The following EYS variants were observed in gnomAD, a reference collection of about 807,000 sequenced individuals.
EYS encodes protein eyes shut homolog.
EYS carries 250 observed loss-of-function variants against 282.1 expected under a neutral mutation model. The observed-to-expected ratio is 0.89, with a 90% confidence interval of 0.80 to 0.98. EYS has a LOEUF of 0.98. Among genes scored for constraint, EYS ranks in the 50% least tolerant of loss-of-function variants. The pLI is 0.00. For synonymous variants in EYS, 1,355 were observed against 1,282.9 expected, an observed-to-expected ratio of 1.06 and a Z score of -1.20; for missense variants, 4,016 against 3,709.0, an observed-to-expected ratio of 1.08 and a Z score of -2.15.
At chr6:65,356,332 T>A (rs945696369) in intron 8 of EYS, among the ~76,000 whole-genome samples, 20 of 152,006 alleles carry the variant, frequency 1.3e-4, no homozygotes, top group African/African-American at 4.8e-4. Context: ...GGAAGTTGGA[T>A]CAAGGATACG....
chr6:64,550,910 T>G (rs1765054830), intron 26 of EYS, among the ~76,000 whole-genome samples: 2 of 152,180 alleles, frequency 1.3e-5, no homozygotes, highest in Admixed American at 1.3e-4. Flanking sequence ...ACAAGGGACG[T>G]GAAGGATCTC....
At chr6:65,085,786 T>C (rs1158538028) in intron 12 of EYS, among the ~76,000 whole-genome samples, 3 of 152,132 alleles carry the variant, frequency 2.0e-5, no homozygotes, top group Non-Finnish European at 1.5e-5. Context: ...TAGCTTTTTG[T>C]TTAGTCAAAT....
intron 12 of EYS, among the ~76,000 whole-genome samples, chr6:65,143,697 C>T (rs181123254): frequency 5.1e-4 from 78 of 152,162 alleles, no homozygotes; most frequent in Admixed American, 1.4e-3. Flanking sequence ...TTGTCATCTC[C>T]ATTAGATATA....
chr6:65,181,768 T>A (rs1416876878), intron 12 of EYS, among the ~76,000 whole-genome samples: 1 of 152,122 alleles, frequency 6.6e-6, no homozygotes, highest in Non-Finnish European at 1.5e-5. Flanking sequence ...CGTATGTTTA[T>A]TGCGGCACTA....
At chr6:65,629,788 T>C (rs1399384883) in intron 2 of EYS, among the ~76,000 whole-genome samples, 1 of 152,118 alleles carries the variant, frequency 6.6e-6, no homozygotes, top group Non-Finnish European at 1.5e-5. Context: ...GTCTTGTGCA[T>C]AGGGCAATGG....
rs534972180 is a variant in EYS, at chr6:64,824,914, T to C, written c.2993-2092A>G. On this transcript the variant is annotated intron_variant, in intron 19 of 42. Coordinates refer to ENST00000503581, the MANE Select transcript of EYS (RefSeq NM_001142800.2). The stretch of plus-strand genomic sequence containing the variant: ...CTTTCTAAGTAGCCTCCAAAGAGGA[T>C]AAGAATGGAATAACTAGCCAATGTG... Among the ~76,000 whole-genome samples the C allele has an allele frequency of 2.0e-5, 3 of 152,032 alleles. No homozygotes were observed. In the South Asian group the frequency reaches 6.2e-4, roughly 32 times the overall value.
Position 65,361,340 on chromosome 6 carries a change from G to A in EYS, c.1300-7723C>T, listed in dbSNP as rs1764697485. On this transcript the variant is annotated intron_variant, in intron 8 of 42. Coordinates refer to ENST00000503581, the MANE Select transcript of EYS (RefSeq NM_001142800.2). ...TAACTAACCTGCACGTTGTGAACAT[G>A]TACCCTAAAACTTAAAGTATAATAA... Among the ~76,000 whole-genome samples, 4 of 137,642 alleles carry A rather than the reference G, an allele frequency of 2.9e-5. No individual in the cohort carries two copies. In the South Asian group the frequency reaches 1.0e-3, roughly 34 times the overall value. 90.3% of individuals were successfully genotyped at this position (137,642 alleles called of 152,430 possible).
In EYS at chr6:64,323,158, TG is replaced by T. The variant is rs1483615336; in HGVS notation, c.6079-16077del. On this transcript the variant is annotated intron_variant, in intron 29 of 42. Coordinates refer to ENST00000503581, the MANE Select transcript of EYS (RefSeq NM_001142800.2). Reference sequence around the variant, plus strand: ...TACTACAATTAATTTTAGAATAATTTGTCACCCCAAAAAGAAACACCTTACC... The same window carrying T: ...TACTACAATTAATTTTAGAATAATTTTCACCCCAAAAAGAAACACCTTACC... 7.3e-5 allele frequency among the ~76,000 whole-genome samples: 11 copies of T among 150,504 alleles called. No individual in the cohort carries two copies. In the East Asian group the frequency reaches 2.0e-3, roughly 27 times the overall value.
intron 2 of EYS, among the ~76,000 whole-genome samples, chr6:65,527,552 A>C (rs1767614952): frequency 1.3e-5 from 2 of 152,206 alleles, no homozygotes; most frequent in South Asian, 4.1e-4. Context: ...TTAGCACAGA[A>C]AAGTCATAAA....
chr6:64,120,194 AAAT>A (rs569065364), intron 31 of EYS, among the ~76,000 whole-genome samples: 3,357 of 148,648 alleles, frequency 0.023, 101 homozygotes, highest in African/African-American at 0.08. Context: ...AAAAAAAAAA[AAAT>A]TACAAAAAAT....
chr6:64,739,875 T>C (rs955011407), intron 22 of EYS, among the ~76,000 whole-genome samples: 1 of 152,114 alleles, frequency 6.6e-6, no homozygotes, highest in Non-Finnish European at 1.5e-5. Context: ...ACAATACTAT[T>C]ATTAGGAAAA....
Position 64,076,037 on chromosome 6 carries a change from T to C in EYS, c.6571+5819A>G, listed in dbSNP as rs547814495. On this transcript the variant is annotated intron_variant, in intron 32 of 42. Transcript: ENST00000503581. ...TCAGGCTACTATGGCAGAGTTGAAC[T>C]TGTGCAGCTTGCAAACATATCTACT... Among the ~76,000 whole-genome samples the C allele has an allele frequency of 3.9e-5, 6 of 152,060 alleles. No individual in the cohort carries two copies. The East Asian group carries it at 1.2e-3, about 29-fold the overall frequency.
chr6:65,438,258 G>C (rs903145137), intron 5 of EYS, among the ~76,000 whole-genome samples: 6 of 151,926 alleles, frequency 3.9e-5, no homozygotes, highest in African/African-American at 9.7e-5. Context: ...GTCTATCATT[G>C]ATGGACATTT....
At chr6:65,177,770 A>G (rs991750783) in intron 12 of EYS, among the ~76,000 whole-genome samples, 12 of 151,776 alleles carry the variant, frequency 7.9e-5, no homozygotes, top group African/African-American at 2.7e-4. Context: ...TGTTAATGAT[A>G]TAATTATTTG....
intron 18 of EYS, among the ~76,000 whole-genome samples, chr6:64,888,572 T>C (rs537634286): frequency 6.6e-6 from 1 of 151,660 alleles, no homozygotes; most frequent in African/African-American, 2.4e-5. Flanking sequence ...GGTGAAAGAG[T>C]AGAGTATTTC....
At chr6:64,387,270 C>A (rs1772944410) in intron 29 of EYS, among the ~76,000 whole-genome samples, 1 of 152,092 alleles carries the variant, frequency 6.6e-6, no homozygotes, top group Non-Finnish European at 1.5e-5. Flanking sequence ...AATTACAACT[C>A]CTCTACTTCT....
chr6:64,259,652 A>G (rs7452331), intron 30 of EYS, among the ~76,000 whole-genome samples: 2,055 of 42,800 alleles, frequency 0.048, 20 homozygotes, highest in Middle Eastern at 0.094. Flanking sequence ...ACACACGCGC[A>G]CACACACACA....
chr6:64,058,064 GA>G (rs1466307694), intron 33 of EYS, among the ~76,000 whole-genome samples: 1 of 152,104 alleles, frequency 6.6e-6, no homozygotes, highest in Admixed American at 6.6e-5. Flanking sequence ...TATGTTGTGG[GA>G]GAGACCCAGT....
chr6:65,690,535 G>T (rs936338963), intron 1 of EYS, among the ~76,000 whole-genome samples: 1 of 149,960 alleles, frequency 6.7e-6, no homozygotes, highest in Non-Finnish European at 1.5e-5. Context: ...CTCTGCAGGC[G>T]GAAGCACATC....
Sources: gnomAD v4.1 joint callset for allele counts (sites outside exome capture counted in the v4.1 genomes callset) on GRCh38, gnomAD v4.1.1 for gene constraint, MANE v1.5 for transcripts, NCBI Gene and HGNC (gene_info 2026-07-23, HGNC 2026-07-21) for gene names.